The following MUC12 variants were observed in gnomAD, a reference collection of about 807,000 sequenced individuals.
MUC12 encodes the protein mucin 12, cell surface associated, also known as mucin-12.
MUC12 carries 172 observed loss-of-function variants against 230.8 expected under a neutral mutation model. The ratio of observed to expected loss-of-function variants is 0.75; its 90% CI spans 0.66 to 0.85. MUC12 has a LOEUF of 0.85. Ranked by LOEUF, MUC12 falls within the 40% of genes least tolerant of loss-of-function variation. The pLI is 0.00. For synonymous variants in MUC12, 1,259 were observed against 2,401.9 expected (o/e 0.52, Z 13.91); for missense variants, 3,506 against 5,920.6 (o/e 0.59, Z 13.38).
At position 101,012,833 on chromosome 7, in the gene MUC12, T is replaced by G; in HGVS notation, c.15418T>G (p.Tyr5140Asp). 1 of 1,537,294 alleles carries G rather than the reference T, an allele frequency of 6.5e-7. No homozygotes were observed. The highest frequency in any genetic ancestry group is 2.4e-5 in the East Asian group (1 of 40,908). The change falls in exon 7 of 12, where the codon TAT (tyrosine) becomes GAT (aspartate). Residue 5140 changes from tyrosine to aspartate, a missense_variant. Tyr to Asp is a radical substitution (Grantham distance 160, BLOSUM62 -3). Transcript: ENST00000536621. ...PDSCRKAILC[Y>D]SEEDTFVDSS... Reference sequence around the variant, plus strand: ...ACTCTCGGCAGAGGCCATACTGTGCTATAGTGAAGAGGACACTTTCGTGGA... The same window carrying G: ...ACTCTCGGCAGAGGCCATACTGTGCGATAGTGAAGAGGACACTTTCGTGGA...
Position 101,005,233 on chromosome 7 carries a change from A to C in MUC12, c.14670A>C (p.Thr4890=). 6.5e-7 allele frequency: 1 copy of C among 1,537,862 alleles called. No individual in the cohort carries two copies. Among genetic ancestry groups the C allele is most frequent in the Non-Finnish European group, 8.7e-7 (1 of 1,147,052 alleles). The change falls in exon 2 of 12, where the codon ACA becomes ACC. Residue 4890 remains threonine, a synonymous_variant. Coordinates refer to ENST00000536621, the MANE Select transcript of MUC12 (RefSeq NM_001164462.2). ...CTGACAGCCCAGGCTTCACTCACAC[A>C]GTGTTACCTGCCACCCTCACAACCA... The part of the protein sequence containing the change: ...PFPDSPGFTH[T]VLPATLTTTD...
Position 100,995,771 on chromosome 7 carries a change from C to T in MUC12, c.5208C>T (p.Gly1736=), listed in dbSNP as rs529593592. 2.8e-5 allele frequency: 43 copies of T among 1,530,656 alleles called. No individual in the cohort carries two copies. Among genetic ancestry groups the T allele is most frequent in the Non-Finnish European group, 3.6e-5 (41 of 1,144,708 alleles). The allele number at this position is 1,530,656 out of a possible 1,614,324, so 94.8% of individuals were successfully genotyped here. ...TTTCTGCCAGCTCCACAACCTTGGGCCGTAGTGAGGAATCGACAACAGTCC... is the reference window on the plus strand; with the variant it reads ...TTTCTGCCAGCTCCACAACCTTGGGTCGTAGTGAGGAATCGACAACAGTCC... ...THFSASSTTL[G]RSEESTTVHS... The change falls in exon 2 of 12, where the codon GGC becomes GGT. Residue 1736 remains glycine, a synonymous_variant. Transcript: ENST00000536621.
At chr7:100,986,421 A>AG (rs1247767899) in intron 1 of MUC12, among the ~76,000 whole-genome samples, 1 of 151,498 alleles carries the variant, frequency 6.6e-6, no homozygotes, top group Non-Finnish European at 1.5e-5. Flanking sequence ...CTGTCTCAAA[A>AG]AAAAAAAAGA....
At chr7:101,015,325 C>G in intron 9 of MUC12, 2 of 421,580 alleles carry the variant, frequency 4.7e-6, no homozygotes, top group Admixed American at 4.1e-5. Context: ...GGCACAGTAC[C>G]TGACCCGAAG....
chr7:100,991,400 G>C lies in MUC12; in HGVS notation c.837G>C (p.Gln279His), dbSNP rs140854690. ...TTHEGEPTTF[Q>H]SWPSSKDTSP... ...ATGAGGGAGAACCTACCACCTTCCAGAGCTGGCCAAGCTCAAAGGACACTT... is the reference window on the plus strand; with the variant it reads ...ATGAGGGAGAACCTACCACCTTCCACAGCTGGCCAAGCTCAAAGGACACTT... Residue 279 changes from glutamine (Q) to histidine (H), a missense_variant, in exon 2 of 12, where the codon CAG becomes CAC. Physicochemically the swap from Gln to His is conservative, Grantham distance 24. Transcript: ENST00000536621. The C allele has an allele frequency of 3.3e-6, 5 of 1,537,762 alleles. No homozygotes were observed. Among genetic ancestry groups the C allele is most frequent in the African/African-American group, 2.7e-5 (2 of 73,118 alleles).
At chr7:100,981,737 C>T (rs1291234918) in intron 1 of MUC12, among the ~76,000 whole-genome samples, 5 of 152,116 alleles carry the variant, frequency 3.3e-5, no homozygotes, top group African/African-American at 9.7e-5. Context: ...GAATGGTCCC[C>T]CGCATTCCAC....
rs150986435 is a variant in MUC12, at chr7:100,991,376, T to A, written c.813T>A (p.His271Gln). ...TGTCCCCTTCCAGCTCTACAACCCA[T>A]GAGGGAGAACCTACCACCTTCCAGA... ...TTLSPSSSTT[H>Q]EGEPTTFQSW... Residue 271 changes from histidine (H) to glutamine (Q), a missense_variant, in exon 2 of 12, where the codon CAT becomes CAA. His to Gln is a conservative substitution (Grantham distance 24). Coordinates refer to ENST00000536621, the MANE Select transcript of MUC12 (RefSeq NM_001164462.2). 1.6e-5 allele frequency: 25 copies of A among 1,537,690 alleles called. No individual in the cohort carries two copies. In the African/African-American group the frequency reaches 3.0e-4, roughly 19 times the overall value.
chr7:100,993,377 C>T lies in MUC12; in HGVS notation c.2814C>T (p.Phe938=). ...CCTTTGGTCAAGAATCTACAACCTTCCACAGCAACCCAGGCTCCACTCACA... is the reference window on the plus strand; with the variant it reads ...CCTTTGGTCAAGAATCTACAACCTTTCACAGCAACCCAGGCTCCACTCACA... ...ALSFGQESTT[F]HSNPGSTHTT... The change falls in exon 2 of 12, where the codon TTC becomes TTT. Residue 938 remains phenylalanine, a synonymous_variant. Transcript: ENST00000536621. 3 of 1,028,002 alleles carry T rather than the reference C, an allele frequency of 2.9e-6. 1 individual carries two copies. The highest frequency in any genetic ancestry group is 3.9e-6 in the Non-Finnish European group (3 of 762,870). 63.7% of individuals were successfully genotyped at this position (1,028,002 alleles called of 1,614,324 possible). A position where few individuals can be genotyped will look rare whatever the true frequency, so the allele number is the denominator to read the frequency against.
intron 1 of MUC12, among the ~76,000 whole-genome samples, chr7:100,987,975 AAAAAAAAAGAAAAGAAAAG>A (rs1793219535): frequency 6.7e-6 from 1 of 149,570 alleles, no homozygotes. Flanking sequence ...ACGTCTAAAA[AAAAAAAAAGAAAAGAAAAG>A]AAAAAAAAGA....
intron 1 of MUC12, among the ~76,000 whole-genome samples, chr7:100,987,419 G>A (rs1793208559): frequency 6.6e-6 from 1 of 152,166 alleles, no homozygotes; most frequent in Non-Finnish European, 1.5e-5. Flanking sequence ...CTGAACCAGG[G>A]TGCAGGAGGC....
rs528762462 is a variant in MUC12, at chr7:101,004,718, G to A, written c.14155G>A (p.Gly4719Ser). ...ATCTACCACCTTCTATATCTCTCCA[G>A]GCTCAATGGAAACAACATTAGCCAG... The part of the protein sequence containing the change: ...AESTTFYISP[G>S]SMETTLASTA... Residue 4719 changes from glycine (G) to serine (S), a missense_variant, in exon 2 of 12, where the codon GGC (glycine) becomes AGC (serine). Gly to Ser is a moderately conservative substitution (Grantham distance 56, BLOSUM62 0). Coordinates refer to ENST00000536621, the MANE Select transcript of MUC12 (RefSeq NM_001164462.2). 2.1e-5 allele frequency: 33 copies of A among 1,536,962 alleles called. No homozygotes were observed. The East Asian group carries it at 7.6e-4, about 35-fold the overall frequency.
chr7:101,006,418 T>C (rs1483295701), intron 2 of MUC12, 53 bp from the exon 3 acceptor site: 13 of 1,303,908 alleles, frequency 1.0e-5, no homozygotes, highest in Non-Finnish European at 1.3e-5. Context: ...GGAGTGCGTG[T>C]TTTTGCTCTT....
intron 10 of MUC12, among the ~76,000 whole-genome samples, chr7:101,016,232 A>G (rs1562795871): frequency 6.6e-6 from 1 of 152,018 alleles, no homozygotes; most frequent in Non-Finnish European, 1.5e-5. Context: ...AGGCAGGTCA[A>G]TCTCACAAAG....
rs1187834968 is a variant in MUC12, at chr7:101,000,613, T to C, written c.10050T>C (p.Arg3350=). Residue 3350 remains arginine (R), a synonymous_variant, in exon 2 of 12, where the codon CGT becomes CGC. Transcript: ENST00000536621. ...HFPESDTTSG[R]GEESTTSHSS... ...CTGAAAGCGACACAACTTCAGGCCG[T>C]GGTGAAGAATCAACAACTTCCCACA... 6.5e-7 allele frequency: 1 copy of C among 1,535,246 alleles called. No homozygotes were observed. Among genetic ancestry groups the C allele is most frequent in the East Asian group, 2.5e-5 (1 of 40,740 alleles).
chr7:101,013,638 G>C (rs1793873238), intron 8 of MUC12, among the ~76,000 whole-genome samples: 1 of 152,150 alleles, frequency 6.6e-6, no homozygotes, highest in East Asian at 1.9e-4. Flanking sequence ...GATTAGGTGG[G>C]TGAATGGTAC....
intron 10 of MUC12, 136 bp from the exon 11 acceptor site, chr7:101,017,439 G>C: frequency 1.6e-6 from 1 of 622,236 alleles, no homozygotes; most frequent in Non-Finnish European, 2.8e-6. Flanking sequence ...TGCAGGGTCG[G>C]AGGGGTGGTC....
At position 100,981,274 on chromosome 7, in the gene MUC12, T is replaced by G. The variant is rs541807208; in HGVS notation, c.68-9357T>G. On this transcript the variant is annotated intron_variant, in intron 1 of 11. Transcript: ENST00000536621. The stretch of plus-strand genomic sequence containing the variant: ...GAGAAGGACCGCCGCACTTGCTCTG[T>G]GACATCCTTTGGGGACACCGTTGCC... The G allele has an allele frequency of 6.8e-6, 3 of 442,104 alleles. No homozygotes were observed. In the South Asian group the frequency reaches 1.5e-4, roughly 21 times the overall value. The allele number at this position is 442,104 out of a possible 1,614,324, so 27.4% of individuals were successfully genotyped here. A position where few individuals can be genotyped will look rare whatever the true frequency, so the allele number is the denominator to read the frequency against.
Position 101,004,784 on chromosome 7 carries a change from C to G in MUC12, c.14221C>G (p.Leu4741Val), listed in dbSNP as rs371190046. ...AGGCCTCAGTGCAAAATCTACCATC[C>G]TTTACAGTAGCTCCAGATCACCAGA... Reference protein sequence around the residue: ...TPGLSAKSTILYSSSRSPDQT... With the variant: ...TPGLSAKSTIVYSSSRSPDQT... The change falls in exon 2 of 12, where the codon CTT (leucine) becomes GTT (valine). Residue 4741 changes from leucine to valine, a missense_variant. Leu to Val is a conservative substitution (Grantham distance 32). Transcript: ENST00000536621. 39 of 1,537,630 alleles carry G rather than the reference C, an allele frequency of 2.5e-5. No individual in the cohort carries two copies. The East Asian group carries it at 2.7e-4, about 11-fold the overall frequency.
intron 1 of MUC12, among the ~76,000 whole-genome samples, chr7:100,979,214 T>C (rs1793070294): frequency 6.6e-6 from 1 of 152,194 alleles, no homozygotes; most frequent in Non-Finnish European, 1.5e-5. Context: ...TGAGATACCA[T>C]GTCATTACTC....
Sources: gnomAD v4.1 joint callset for allele counts (sites outside exome capture counted in the v4.1 genomes callset) on GRCh38, gnomAD v4.1.1 for gene constraint, MANE v1.5 for transcripts, NCBI Gene and HGNC (gene_info 2026-07-23, HGNC 2026-07-21) for gene names.